ACBD6: variants seen among roughly 807,000 people sequenced by gnomAD.
The protein encoded by ACBD6 is acyl-CoA-binding domain-containing protein 6.
A neutral mutation model predicts 37.2 loss-of-function variants in ACBD6; 28 were observed. The observed-to-expected ratio is 0.75, with a 90% confidence interval of 0.56 to 1.03. The LOEUF (loss-of-function observed/expected upper bound fraction) is 1.03. Among genes scored for constraint, ACBD6 ranks in the 50% least tolerant of loss-of-function variants. The pLI, the probability that ACBD6 is intolerant of heterozygous loss-of-function variation, is 0.00. For missense variants in ACBD6, 340 were observed against 337.4 expected (o/e 1.01, Z -0.06); for synonymous variants, 113 against 126.8 (o/e 0.89, Z 0.73).
intron 6 of ACBD6, among the ~76,000 whole-genome samples, chr1:180,346,080 A>G (rs1652171218): frequency 1.3e-5 from 2 of 152,194 alleles, no homozygotes; most frequent in Non-Finnish European, 2.9e-5. Flanking sequence ...TATGGTAAGC[A>G]TACTGGATGA....
intron 6 of ACBD6, among the ~76,000 whole-genome samples, chr1:180,386,394 T>A (rs1170809723): frequency 6.6e-6 from 1 of 152,334 alleles, no homozygotes; most frequent in East Asian, 1.9e-4. Context: ...TAATGTGTCT[T>A]GCTGTGGATT....
exon 14 of ACBD6, chr1:180,270,231 G>A (rs901481472): frequency 6.6e-6 from 1 of 152,222 alleles, no homozygotes; most frequent in Non-Finnish European, 1.5e-5. Flanking sequence ...ACCAGCACAT[G>A]GTAGGTGCTA....
chr1:180,331,081 A>G (rs1055354932), intron 6 of ACBD6, among the ~76,000 whole-genome samples: 3 of 152,232 alleles, frequency 2.0e-5, no homozygotes, highest in Non-Finnish European at 2.9e-5. Flanking sequence ...GAAGAGATCC[A>G]TATCAGCAGA....
intron 6 of ACBD6, among the ~76,000 whole-genome samples, chr1:180,397,240 T>A (rs1463730813): frequency 2.0e-5 from 3 of 152,084 alleles, no homozygotes; most frequent in Non-Finnish European, 4.4e-5. Flanking sequence ...AATAGGCAAA[T>A]CTATAGAAAC....
In ACBD6 at chr1:180,334,390, T is replaced by C. The variant is rs184314973; in HGVS notation, c.664-19668A>G. Among the ~76,000 whole-genome samples the C allele has an allele frequency of 8.7e-3, 1,328 of 152,296 alleles. 15 individuals carry two copies. Among genetic ancestry groups the C allele is most frequent in the African/African-American group, 0.028 (1,177 of 41,550 alleles). On this transcript the variant is annotated intron_variant, in intron 6 of 7. Transcript: ENST00000367595. Reference sequence around the variant, plus strand: ...ATTGTTCTGCAGCCGCCGCTGCTGATACCCAGGCAAACAGGGTCTGGAGTG... The same window carrying C: ...ATTGTTCTGCAGCCGCCGCTGCTGACACCCAGGCAAACAGGGTCTGGAGTG...
chr1:180,271,902 G>C, exon 14 of ACBD6: 1 of 1,613,632 alleles, frequency 6.2e-7, no homozygotes, highest in South Asian at 1.1e-5. Flanking sequence ...CACCGCTGGG[G>C]GCAGTTCTAT....
intron 3 of ACBD6, among the ~76,000 whole-genome samples, chr1:180,469,717 C>T (rs1650483034): frequency 6.6e-6 from 1 of 152,178 alleles, no homozygotes; most frequent in Admixed American, 6.5e-5. Flanking sequence ...TCTATAATTT[C>T]AACCTGGTCA....
At chr1:180,479,409 C>T (rs1216535416) in intron 3 of ACBD6, among the ~76,000 whole-genome samples, 1 of 152,004 alleles carries the variant, frequency 6.6e-6, no homozygotes, top group Non-Finnish European at 1.5e-5. Context: ...ACAAATATCA[C>T]TTGTTCTCAT....
At chr1:180,347,711 T>C (rs1018058595) in intron 6 of ACBD6, among the ~76,000 whole-genome samples, 9 of 152,060 alleles carry the variant, frequency 5.9e-5, no homozygotes, top group African/African-American at 1.7e-4. Flanking sequence ...GTGGCTCACG[T>C]CTGTAATCCC....
intron 2 of ACBD6, 113 bp from the exon 3 acceptor site, chr1:180,492,478 T>C: frequency 1.2e-6 from 1 of 814,394 alleles, no homozygotes; most frequent in Non-Finnish European, 2.1e-6. Flanking sequence ...AATATAGAGA[T>C]AATAAGCTAT....
intron 7 of ACBD6, among the ~76,000 whole-genome samples, chr1:180,289,268 T>C (rs1159010557): frequency 1.3e-5 from 2 of 152,100 alleles, no homozygotes; most frequent in African/African-American, 2.4e-5. Flanking sequence ...AAAGACCCAA[T>C]GATTAGATGG....
intron 3 of ACBD6, among the ~76,000 whole-genome samples, chr1:180,461,269 T>C (rs1383855662): frequency 6.6e-6 from 1 of 152,152 alleles, no homozygotes; most frequent in East Asian, 1.9e-4. Flanking sequence ...ACCAAATCTA[T>C]GACTGACTGG....
At chr1:180,277,006 G>A (rs1198838941) in intron 9 of ACBD6, 2 of 152,150 alleles carry the variant, frequency 1.3e-5, no homozygotes, top group African/African-American at 2.4e-5. Flanking sequence ...AGCAGTTGAC[G>A]AGGTCAATAG....
intron 6 of ACBD6, among the ~76,000 whole-genome samples, chr1:180,319,219 TG>T (rs1252569469): frequency 6.6e-6 from 1 of 152,230 alleles, no homozygotes; most frequent in Non-Finnish European, 1.5e-5. Context: ...ATAAACTTCT[TG>T]TAGGCAAGTA....
At chr1:180,497,271 G>A (rs937334736) in intron 1 of ACBD6, among the ~76,000 whole-genome samples, 2 of 152,038 alleles carry the variant, frequency 1.3e-5, no homozygotes, top group Non-Finnish European at 1.5e-5. Flanking sequence ...ATGATCATCC[G>A]GCTAAACATT....
intron 3 of ACBD6, among the ~76,000 whole-genome samples, chr1:180,437,187 A>C (rs1304968924): frequency 6.6e-6 from 1 of 152,206 alleles, no homozygotes; most frequent in Admixed American, 6.5e-5. Flanking sequence ...ATAAACTGGC[A>C]AATGTGTTTC....
intron 6 of ACBD6, among the ~76,000 whole-genome samples, chr1:180,392,981 C>T (rs950534193): frequency 2.0e-5 from 3 of 152,156 alleles, no homozygotes; most frequent in Non-Finnish European, 4.4e-5. Context: ...CTCCTCCTAC[C>T]AATAAATGTT....
rs566849835 is a variant in ACBD6 at position 180,463,684 on chromosome 1, G to A, written c.384+28585C>T. On this transcript the variant is annotated intron_variant, in intron 3 of 7. Transcript: ENST00000367595. ...CTATTTCAAAAAAACTGAAAAGGAGGGAGTCCTCCCTAACTCATTCCATGA... is the reference window on the plus strand; with the variant it reads ...CTATTTCAAAAAAACTGAAAAGGAGAGAGTCCTCCCTAACTCATTCCATGA... Among the ~76,000 whole-genome samples, 19 of 152,196 alleles carry A rather than the reference G, an allele frequency of 1.2e-4. No individual in the cohort carries two copies. In the East Asian group the frequency reaches 1.5e-3, roughly 12 times the overall value.
At chr1:180,416,859 T>C (rs1230670193) in intron 4 of ACBD6, among the ~76,000 whole-genome samples, 1 of 152,134 alleles carries the variant, frequency 6.6e-6, no homozygotes, top group African/African-American at 2.4e-5. Flanking sequence ...ATAGGTCTCA[T>C]GGCAAGACAT....
Sources: gnomAD v4.1 joint callset for allele counts (sites outside exome capture counted in the v4.1 genomes callset) on GRCh38, gnomAD v4.1.1 for gene constraint, MANE v1.5 for transcripts, NCBI Gene and HGNC (gene_info 2026-07-23, HGNC 2026-07-21) for gene names.